COLGALT1: variants seen among roughly 807,000 people sequenced by gnomAD.
The protein encoded by COLGALT1 is procollagen galactosyltransferase 1.
A neutral mutation model predicts 60.8 loss-of-function variants in COLGALT1; 43 were observed. That is an observed-to-expected ratio of 0.71 (90% confidence interval 0.55 to 0.91). The LOEUF is 0.91. COLGALT1 is among the 40% of genes least tolerant of loss of function. The pLI, the probability that COLGALT1 is intolerant of heterozygous loss-of-function variation, is 0.00. For missense variants in COLGALT1, 845 were observed against 880.0 expected (o/e 0.96, Z 0.50); for synonymous variants, 369 against 374.2 (o/e 0.99, Z 0.16).
At position 17,580,822 on chromosome 19, in the gene COLGALT1, C is replaced by T; in HGVS notation, c.1518C>T (p.Ala506=). 5 of 1,614,022 alleles carry T rather than the reference C, an allele frequency of 3.1e-6. No homozygotes were observed. Among genetic ancestry groups the T allele is most frequent in the Non-Finnish European group, 4.2e-6 (5 of 1,180,000 alleles). ...TLAYVISLQG[A]RKLLAAEPLS... ...CCTACGTGATCTCCCTGCAAGGCGC[C>T]CGCAAACTGCTGGCTGCTGAGCCGC... The change falls in exon 11 of 12, where the codon GCC becomes GCT. Residue 506 remains alanine (A), a synonymous_variant. Transcript: ENST00000252599.
chr19:17,565,619 G>A (rs918693902), intron 3 of COLGALT1, among the ~76,000 whole-genome samples: 13 of 151,678 alleles, frequency 8.6e-5, no homozygotes, highest in Non-Finnish European at 1.3e-4. Flanking sequence ...GCAGTGAGCC[G>A]AGATCACACC....
chr19:17,577,413 G>C lies in COLGALT1; in HGVS notation c.1079G>C (p.Arg360Pro). 1.3e-6 allele frequency: 2 copies of C among 1,562,252 alleles called. No homozygotes were observed. The highest frequency in any genetic ancestry group is 1.2e-5 in the South Asian group (1 of 86,782). Residue 360 changes from arginine (R) to proline (P), a missense_variant, in exon 8 of 12, where the codon CGG becomes CCG. Arg to Pro is a moderately radical substitution (Grantham distance 103). Coordinates refer to ENST00000252599, the MANE Select transcript of COLGALT1 (RefSeq NM_024656.4). Reference protein sequence around the residue: ...RRQDRRERMLRALQAQEIECR... With the variant: ...RRQDRRERMLPALQAQEIECR... ...CAGGACCGGCGGGAGCGCATGCTGC[G>C]GGCGCTGCAGGCACAGGAGATCGAG... is the stretch of plus-strand genomic sequence containing the variant.
At chr19:17,558,015 G>A (rs1172949626) in intron 1 of COLGALT1, among the ~76,000 whole-genome samples, 5 of 152,032 alleles carry the variant, frequency 3.3e-5, no homozygotes, top group Non-Finnish European at 7.3e-5. Context: ...TCGGCTCACT[G>A]CAACCTCCTC....
At chr19:17,567,931 G>A (rs1299540154) in intron 4 of COLGALT1, among the ~76,000 whole-genome samples, 3 of 151,976 alleles carry the variant, frequency 2.0e-5, no homozygotes, top group African/African-American at 7.3e-5. Flanking sequence ...CCTGGGTGAC[G>A]GAGTGAGACT....
intron 1 of COLGALT1, among the ~76,000 whole-genome samples, chr19:17,558,994 A>G (rs971350991): frequency 6.6e-6 from 1 of 152,066 alleles, no homozygotes; most frequent in African/African-American, 2.4e-5. Flanking sequence ...CCCCGTCTCT[A>G]CTAAAAATAC....
intron 6 of COLGALT1, among the ~76,000 whole-genome samples, chr19:17,575,839 G>T (rs541816992): frequency 4.5e-4 from 68 of 152,174 alleles, no homozygotes; most frequent in South Asian, 2.9e-3. Context: ...AAGCCATGTG[G>T]ATTAGGGCCC....
intron 5 of COLGALT1, 152 bp from the exon 6 acceptor site, chr19:17,572,331 A>G: frequency 9.4e-7 from 1 of 1,059,994 alleles, no homozygotes; most frequent in Non-Finnish European, 1.4e-6. Flanking sequence ...GTTTGTAGAT[A>G]TAAGGTCTTG....
chr19:17,581,267 C>T lies in COLGALT1; in HGVS notation c.1692C>T (p.Asp564=), dbSNP rs370733358. Residue 564 remains aspartate (D), a synonymous_variant, in exon 12 of 12, where the codon GAC becomes GAT. Transcript: ENST00000252599. ...TCTACCCCACACACTACACAGGAGA[C>T]GATGGCTATGTGAGTGACACCGAGA... ...LLIYPTHYTG[D]DGYVSDTETS... 34 of 1,612,126 alleles carry T rather than the reference C, an allele frequency of 2.1e-5. No individual in the cohort carries two copies. The highest frequency in any genetic ancestry group is 3.3e-5 in the South Asian group (3 of 91,048).
chr19:17,568,154 T>A (rs2076290326), intron 4 of COLGALT1, among the ~76,000 whole-genome samples: 1 of 152,112 alleles, frequency 6.6e-6, no homozygotes, highest in Admixed American at 6.6e-5. Flanking sequence ...CATGGCTTGA[T>A]CCAGGTGTTT....
At chr19:17,580,327 G>T in intron 10 of COLGALT1, 1 of 326,450 alleles carries the variant, frequency 3.1e-6, no homozygotes, top group Non-Finnish European at 5.8e-6. Context: ...TGGGAACACT[G>T]CCCCATGTGA....
Position 17,581,172 on chromosome 19 carries a change from C to T in COLGALT1, c.1602-5C>T, listed in dbSNP as rs370199311. ...TGCCCCTCACTCCCCTCCTCCTCCC[C>T]CCAGGTCCGAGTACAAGGCCCACTT... On this transcript the variant is annotated splice_region_variant and splice_polypyrimidine_tract_variant and intron_variant, in intron 11 of 11. Coordinates refer to ENST00000252599, the MANE Select transcript of COLGALT1 (RefSeq NM_024656.4). The T allele has an allele frequency of 2.9e-5, 46 of 1,605,544 alleles. No individual in the cohort carries two copies. The highest frequency in any genetic ancestry group is 3.5e-5 in the Non-Finnish European group (41 of 1,176,786).
At chr19:17,573,880 G>A (rs1003210223) in intron 6 of COLGALT1, among the ~76,000 whole-genome samples, 8 of 151,952 alleles carry the variant, frequency 5.3e-5, no homozygotes, top group Non-Finnish European at 8.8e-5. Flanking sequence ...TACTCGGGAG[G>A]CTGAGGCGAG....
chr19:17,577,847 C>T (rs191774570), intron 8 of COLGALT1, 110 bp from the exon 9 acceptor site: 1,248 of 1,435,832 alleles, frequency 8.7e-4, no homozygotes, highest in Non-Finnish European at 1.1e-3. Context: ...GCCAGTGCTA[C>T]AAGAGGTGGA....
intron 11 of COLGALT1, 119 bp downstream of exon 11, chr19:17,581,024 C>A: frequency 7.1e-7 from 1 of 1,399,114 alleles, no homozygotes; most frequent in Non-Finnish European, 9.9e-7. Flanking sequence ...CTTCTCCCTC[C>A]GTTTGCCCCC....
chr19:17,567,307 T>G (rs2076285129), intron 3 of COLGALT1, 99 bp from the exon 4 acceptor site: 3 of 1,513,606 alleles, frequency 2.0e-6, no homozygotes, highest in Non-Finnish European at 2.7e-6. Flanking sequence ...CTTCCAGAGG[T>G]CTTTGCCAGA....
At chr19:17,567,587 G>C (rs771759522) in intron 4 of COLGALT1, 47 bp downstream of exon 4, 44 of 1,588,038 alleles carry the variant, frequency 2.8e-5, no homozygotes, top group Non-Finnish European at 3.6e-5. Context: ...GAGCAGGGGG[G>C]TGCCGTGGCT....
chr19:17,581,356 T>C lies in COLGALT1; in HGVS notation c.1781T>C (p.Met594Thr). The C allele has an allele frequency of 6.2e-7, 1 of 1,613,078 alleles. No homozygotes were observed. The change falls in exon 12 of 12, where the codon ATG (methionine) becomes ACG (threonine). Residue 594 changes from methionine to threonine, a missense_variant. By Grantham distance (81) the Met-to-Thr change is moderately conservative (BLOSUM62 -1). Coordinates refer to ENST00000252599, the MANE Select transcript of COLGALT1 (RefSeq NM_024656.4). ...TGGGACCGCGCCAAGTCCCAGAAGA[T>C]GCGGGAGCAGCAGGCACTGAGCCGT... is the stretch of plus-strand genomic sequence containing the variant. ...TDWDRAKSQK[M>T]REQQALSREA...
chr19:17,555,929 C>T lies in COLGALT1; in HGVS notation c.216C>T (p.Gly72=). Reference sequence around the variant, plus strand: ...CCCACGCGTTGCCCACCACGCTGGGCGCACTCGAGCGGCTGCGGCACCCGC... The same window carrying T: ...CCCACGCGTTGCCCACCACGCTGGGTGCACTCGAGCGGCTGCGGCACCCGC... ...NAAHALPTTL[G]ALERLRHPRE... Residue 72 remains glycine (G), a synonymous_variant, in exon 1 of 12, where the codon GGC becomes GGT. Transcript: ENST00000252599. 1 of 1,394,902 alleles carries T rather than the reference C, an allele frequency of 7.2e-7. No individual in the cohort carries two copies. Among genetic ancestry groups the T allele is most frequent in the Non-Finnish European group, 9.3e-7 (1 of 1,073,894 alleles). 86.4% of individuals were successfully genotyped at this position (1,394,902 alleles called of 1,614,324 possible). A position where few individuals can be genotyped will look rare whatever the true frequency, so the allele number is the denominator to read the frequency against.
At chr19:17,560,505 T>C in intron 3 of COLGALT1, 40 bp downstream of exon 3, 1 of 1,536,002 alleles carries the variant, frequency 6.5e-7, no homozygotes, top group Non-Finnish European at 9.0e-7. Context: ...CACAGGCAGG[T>C]CTGGGTATCC....
Sources: allele counts gnomAD v4.1 joint callset (sites outside exome capture counted in the v4.1 genomes callset), GRCh38; gene constraint gnomAD v4.1.1; transcripts MANE v1.5; gene names NCBI Gene and HGNC (gene_info 2026-07-23, HGNC 2026-07-21).